The following KIR2DL3 variants were observed in gnomAD, a reference collection of about 807,000 sequenced individuals.
KIR2DL3 encodes killer cell immunoglobulin-like receptor 2DL3.
In KIR2DL3, 39 loss-of-function variants were observed where a neutral mutation model predicts 33.8. The observed-to-expected ratio is 1.15, with a 90% CI of 0.89 to 1.51. The LOEUF is 1.51. KIR2DL3 is among the 40% of genes most tolerant of loss of function. The probability of loss-of-function intolerance (pLI) is 0.00; values close to 1 mark genes in which losing one functional copy is unlikely to be tolerated. For synonymous variants in KIR2DL3, 174 were observed against 160.2 expected (o/e 1.09, Z -0.65); for missense variants, 462 against 426.2 (o/e 1.08, Z -0.74).
At chr19:54,751,623 CT>C (rs2073436578) in intron 5 of KIR2DL3, 25 bp from the exon 6 acceptor site, 1 of 1,460,002 alleles carries the variant, frequency 6.8e-7, no homozygotes, top group Non-Finnish European at 9.4e-7. Flanking sequence ...TGATTAGCTT[CT>C]TATTGGTGTC....
chr19:54,743,257 T>G (rs1460169255), intron 3 of KIR2DL3, among the ~76,000 whole-genome samples: 1 of 151,818 alleles, frequency 6.6e-6, no homozygotes, highest in African/African-American at 2.4e-5. Flanking sequence ...ATAGAGATGA[T>G]GATGATGAAG....
intron 2 of KIR2DL3, among the ~76,000 whole-genome samples, chr19:54,740,656 T>C (rs1185126079): frequency 2.6e-5 from 4 of 151,622 alleles, no homozygotes; most frequent in Non-Finnish European, 4.4e-5. Context: ...CTGACTGTAT[T>C]TGTGGTAAAG....
rs550467589 is a variant in KIR2DL3 at position 54,752,281 on chromosome 19, C to T, written c.873+13C>T. The stretch of plus-strand genomic sequence containing the variant: ...AGTGAACAGGGAGGTAGGTGCTCCT[C>T]GGCCCAGCCTCGTGGCTAGTGTTAT... On this transcript the variant is annotated intron_variant, in intron 7 of 7. Coordinates refer to ENST00000342376, the MANE Select transcript of KIR2DL3 (RefSeq NM_015868.3). 91 of 1,486,250 alleles carry T rather than the reference C, an allele frequency of 6.1e-5. 17 individuals are homozygous for T. Among genetic ancestry groups the T allele is most frequent in the Non-Finnish European group, 7.6e-5 (83 of 1,088,196 alleles). 92.1% of individuals were successfully genotyped at this position (1,486,250 alleles called of 1,614,324 possible).
intron 3 of KIR2DL3, among the ~76,000 whole-genome samples, 199 bp from the exon 4 acceptor site, chr19:54,743,596 T>C (rs2071610412): frequency 6.7e-6 from 1 of 149,920 alleles, no homozygotes; most frequent in Admixed American, 6.6e-5. Context: ...TATCTAGAGG[T>C]GGGGAAGCGA....
chr19:54,739,102 G>A (rs1196279929), intron 1 of KIR2DL3, among the ~76,000 whole-genome samples: 3 of 150,630 alleles, frequency 2.0e-5, no homozygotes, highest in Non-Finnish European at 4.4e-5. Flanking sequence ...TATGGGCCTA[G>A]GAAGGAGATA....
intron 5 of KIR2DL3, among the ~76,000 whole-genome samples, chr19:54,751,118 C>T (rs79111270): frequency 3.1e-5 from 4 of 129,138 alleles, no homozygotes; most frequent in Admixed American, 8.0e-5. Context: ...GGAAGCGTGG[C>T]ACCAGCATCT....
intron 3 of KIR2DL3, among the ~76,000 whole-genome samples, chr19:54,742,586 C>A (rs1310235204): frequency 1.3e-5 from 2 of 152,000 alleles, no homozygotes; most frequent in Admixed American, 1.3e-4. Flanking sequence ...ACAGACCTGG[C>A]ACAGGTTAGA....
In KIR2DL3 at chr19:54,743,043, G is replaced by C. The variant is rs1485077657; in HGVS notation, c.371-752G>C. Reference sequence around the variant, plus strand: ...AGCAGAGAAAAGCACTAAAATTAGAGTCCTGAGAGAGAGGCACAAGGACAT... The same window carrying C: ...AGCAGAGAAAAGCACTAAAATTAGACTCCTGAGAGAGAGGCACAAGGACAT... On this transcript the variant is annotated intron_variant, in intron 3 of 7. Transcript: ENST00000342376. Among the ~76,000 whole-genome samples the C allele has an allele frequency of 9.9e-5, 15 of 151,992 alleles. 1 individual carries two copies. The highest frequency in any genetic ancestry group is 3.9e-4 in the East Asian group (2 of 5,194).
chr19:54,740,023 G>C (rs374328249), intron 2 of KIR2DL3, among the ~76,000 whole-genome samples: 29 of 152,014 alleles, frequency 1.9e-4, no homozygotes, highest in South Asian at 6.2e-4. Context: ...TGTTTTATGT[G>C]AGTAATCTTA....
chr19:54,739,086 T>A lies in KIR2DL3; in HGVS notation c.35-421T>A, dbSNP rs560498207. The stretch of plus-strand genomic sequence containing the variant: ...TAGAGGTGGATATCTGGGCCTGGAG[T>A]GGAGATATGGGCCTAGGAAGGAGAT... On this transcript the variant is annotated intron_variant, in intron 1 of 7. Coordinates refer to ENST00000342376, the MANE Select transcript of KIR2DL3 (RefSeq NM_015868.3). Among the ~76,000 whole-genome samples, 33 of 125,150 alleles carry A rather than the reference T, an allele frequency of 2.6e-4. No homozygotes were observed. The East Asian group carries it at 3.4e-3, about 13-fold the overall frequency. 82.1% of individuals were successfully genotyped at this position (125,150 alleles called of 152,430 possible). A position where few individuals can be genotyped will look rare whatever the true frequency, so the allele number is the denominator to read the frequency against.
At chr19:54,741,930 A>T in intron 2 of KIR2DL3, 50 bp from the exon 3 acceptor site, 2 of 1,476,438 alleles carry the variant, frequency 1.4e-6, no homozygotes, top group South Asian at 2.3e-5. Context: ...GGTGCCATGG[A>T]TGGGATGATA....
rs199707006 is a variant in KIR2DL3, at chr19:54,738,618, A to G, written c.34+39A>G. On this transcript the variant is annotated intron_variant, in intron 1 of 7. Coordinates refer to ENST00000342376, the MANE Select transcript of KIR2DL3 (RefSeq NM_015868.3). ...GGGCATCGAGGGAGGGAGTGCGGGG[A>G]TGGAGATCGGGGCCCAGAGTTGGAG... 1,082 of 1,613,604 alleles carry G rather than the reference A, an allele frequency of 6.7e-4. 2 individuals carry two copies. The highest frequency in any genetic ancestry group is 7.8e-4 in the Non-Finnish European group (924 of 1,179,806).
At chr19:54,738,619 T>C in intron 1 of KIR2DL3, 40 bp downstream of exon 1, 1 of 1,613,726 alleles carries the variant, frequency 6.2e-7, no homozygotes. Flanking sequence ...AGTGCGGGGA[T>C]GGAGATCGGG....
At position 54,741,311 on chromosome 19, in the gene KIR2DL3, G is replaced by A. The variant is rs374618318; in HGVS notation, c.71-669G>A. ...GCCTAGACCACACCACTTCACTCCA[G>A]CCTGGGTGAAGGAGTGAGACTCTGT... On this transcript the variant is annotated intron_variant, in intron 2 of 7. Coordinates refer to ENST00000342376, the MANE Select transcript of KIR2DL3 (RefSeq NM_015868.3). Among the ~76,000 whole-genome samples the A allele has an allele frequency of 2.0e-5, 3 of 151,256 alleles. No individual in the cohort carries two copies. In the East Asian group the frequency reaches 5.8e-4, roughly 29 times the overall value.
Position 54,752,579 on chromosome 19 carries a change from A to T in KIR2DL3, c.*60A>T. 2.1e-6 allele frequency: 3 copies of T among 1,453,734 alleles called. No individual in the cohort carries two copies. The highest frequency in any genetic ancestry group is 2.8e-6 in the Non-Finnish European group (3 of 1,067,548). 90.1% of individuals were successfully genotyped at this position (1,453,734 alleles called of 1,614,324 possible). A position where few individuals can be genotyped will look rare whatever the true frequency, so the allele number is the denominator to read the frequency against. ...CAGGCCTTGAGGGGATCTTCTAGGG[A>T]GACAACAGCCCTGTCTCAAAACTGG... On this transcript the variant is annotated 3_prime_UTR_variant, in exon 8 of 8. Coordinates refer to ENST00000342376, the MANE Select transcript of KIR2DL3 (RefSeq NM_015868.3).
rs1177112432 is a variant in KIR2DL3 at position 54,744,921 on chromosome 19, CATATATAT to C, written c.664+860_664+867del. On this transcript the variant is annotated intron_variant, in intron 4 of 7. Transcript: ENST00000342376. ...ATACACACACACACACATATATAAA[CATATATAT>C]ATATATATATATATATATATATATA... Among the ~76,000 whole-genome samples the C allele has an allele frequency of 2.3e-3, 59 of 25,270 alleles. 1 individual carries two copies. Among genetic ancestry groups the C allele is most frequent in the African/African-American group, 6.3e-3 (50 of 7,922 alleles). The allele number at this position is 25,270 out of a possible 152,430, so 16.6% of individuals were successfully genotyped here.
chr19:54,740,989 C>T (rs1180468130), intron 2 of KIR2DL3, among the ~76,000 whole-genome samples: 3 of 151,736 alleles, frequency 2.0e-5, no homozygotes, highest in African/African-American at 7.3e-5. Context: ...GGAACTGATT[C>T]TCCAGAGTCT....
chr19:54,745,343 C>T (rs1248072408), intron 4 of KIR2DL3, among the ~76,000 whole-genome samples: 1 of 151,990 alleles, frequency 6.6e-6, no homozygotes, highest in Admixed American at 6.6e-5. Context: ...TATGAAAGTT[C>T]TCTTTTTAGT....
rs1346165417 is a variant in KIR2DL3 at position 54,744,933 on chromosome 19, T to C, written c.664+845T>C. Among the ~76,000 whole-genome samples, 73 of 19,160 alleles carry C rather than the reference T, an allele frequency of 3.8e-3. 2 individuals carry two copies. The highest frequency in any genetic ancestry group is 0.014 in the African/African-American group (70 of 5,146). The allele number at this position is 19,160 out of a possible 152,430, so 12.6% of individuals were successfully genotyped here. On this transcript the variant is annotated intron_variant, in intron 4 of 7. Coordinates refer to ENST00000342376, the MANE Select transcript of KIR2DL3 (RefSeq NM_015868.3). Reference sequence around the variant, plus strand: ...ACACATATATAAACATATATATATATATATATATATATATATATATATTTT... The same window carrying C: ...ACACATATATAAACATATATATATACATATATATATATATATATATATTTT...
Sources: allele counts gnomAD v4.1 joint callset (sites outside exome capture counted in the v4.1 genomes callset), GRCh38; gene constraint gnomAD v4.1.1; transcripts MANE v1.5; gene names NCBI Gene and HGNC (gene_info 2026-07-23, HGNC 2026-07-21).